Variants in YIF1B observed in about 807,000 individuals in gnomAD.
YIF1B encodes Yip1 interacting factor homolog B, membrane trafficking protein, also known as protein YIF1B.
In YIF1B, 24 loss-of-function variants were observed where a neutral mutation model predicts 34.6. The observed-to-expected ratio is 0.69, with a 90% CI of 0.50 to 0.98. The LOEUF is 0.98. YIF1B is among the 50% of genes least tolerant of loss of function. The pLI is 0.00. For synonymous variants in YIF1B, 186 were observed against 184.8 expected (o/e 1.01, Z -0.05); for missense variants, 368 against 429.4 (o/e 0.86, Z 1.26).
chr19:38,320,625 C>G (rs1408358184), upstream of YIF1B, among the ~76,000 whole-genome samples: 1 of 151,772 alleles, frequency 6.6e-6, no homozygotes, highest in Non-Finnish European at 1.5e-5. Flanking sequence ...GTGGCACGAT[C>G]TCGGATCACG....
At chr19:38,311,466 C>A (rs546613011) in intron 1 of YIF1B, among the ~76,000 whole-genome samples, 1 of 152,316 alleles carries the variant, frequency 6.6e-6, no homozygotes, top group South Asian at 2.1e-4. Context: ...TGGATGAACT[C>A]ATCTCATCTT....
chr19:38,316,440 G>A (rs1043061454), upstream of YIF1B, among the ~76,000 whole-genome samples: 4 of 152,092 alleles, frequency 2.6e-5, no homozygotes, highest in African/African-American at 9.7e-5. Flanking sequence ...CTTGAGCCCA[G>A]GAGTTCGAGA....
At chr19:38,307,127 A>G in intron 7 of YIF1B, 1 of 502,836 alleles carries the variant, frequency 2.0e-6, no homozygotes, top group Non-Finnish European at 3.8e-6. Flanking sequence ...TTCCAGGGAA[A>G]TTCTGGCAGG....
rs1968875102 is a variant in YIF1B, at chr19:38,304,070, A to C, written c.*1282T>G. 2.9e-6 allele frequency: 2 copies of C among 699,102 alleles called. No individual in the cohort carries two copies. The highest frequency in any genetic ancestry group is 4.7e-6 in the Non-Finnish European group (2 of 426,520). 43.3% of individuals were successfully genotyped at this position (699,102 alleles called of 1,614,324 possible). Reference sequence around the variant, plus strand: ...GGCTGGCGGAAGCAGTCACCTGTCCATCTCCCCCACTTCTCACAGAGGAAA... The same window carrying C: ...GGCTGGCGGAAGCAGTCACCTGTCCCTCTCCCCCACTTCTCACAGAGGAAA... On this transcript the variant is annotated 3_prime_UTR_variant, in exon 8 of 8. Transcript: ENST00000339413.
In YIF1B at chr19:38,309,661, G is replaced by A. The variant is rs757734385; in HGVS notation, c.59-18C>T. On this transcript the variant is annotated intron_variant, in intron 1 of 7. Transcript: ENST00000339413. ...CTTCGAGGCTGCAAGGGAAGAGAGT[G>A]AGAAGGAGCTGGGGACCCAGGATAG... 6.9e-6 allele frequency: 11 copies of A among 1,589,738 alleles called. No individual in the cohort carries two copies. Among genetic ancestry groups the A allele is most frequent in the African/African-American group, 1.3e-5 (1 of 74,830 alleles).
At chr19:38,312,979 C>G (rs969835444) in intron 1 of YIF1B, among the ~76,000 whole-genome samples, 1 of 152,010 alleles carries the variant, frequency 6.6e-6, no homozygotes, top group Non-Finnish European at 1.5e-5. Context: ...TAGACAGATT[C>G]TCGCTCTTGT....
intron 1 of YIF1B, among the ~76,000 whole-genome samples, chr19:38,314,678 A>G (rs1969472166): frequency 7.1e-6 from 1 of 140,344 alleles, no homozygotes. Context: ...GGCTGGTGCA[A>G]TCTCGCCTCA....
At position 38,304,928 on chromosome 19, in the gene YIF1B, G is replaced by A. The variant is rs1968931427; in HGVS notation, c.*424C>T. 2 of 1,612,428 alleles carry A rather than the reference G, an allele frequency of 1.2e-6. No individual in the cohort carries two copies. Among genetic ancestry groups the A allele is most frequent in the Non-Finnish European group, 1.7e-6 (2 of 1,179,542 alleles). ...AAGTGAAGAAGAAGGAGAAGGGCAA[G>A]AAGGAGAAGGGCAAGAAGAAGGAGG... On this transcript the variant is annotated 3_prime_UTR_variant, in exon 8 of 8. Coordinates refer to ENST00000339413, the MANE Select transcript of YIF1B (RefSeq NM_001039672.3).
Position 38,304,749 on chromosome 19 carries a change from C to G in YIF1B, c.*603G>C. The G allele has an allele frequency of 6.2e-7, 1 of 1,611,620 alleles. No individual in the cohort carries two copies. The highest frequency in any genetic ancestry group is 8.5e-7 in the Non-Finnish European group (1 of 1,178,248). ...TGCACCCCAGAGAGGCGTCCCCGCA[C>G]TGGGGCTGGCGGGGAGGGTGCGGGG... On this transcript the variant is annotated 3_prime_UTR_variant, in exon 8 of 8. Transcript: ENST00000339413.
rs1292530909 is a variant in YIF1B, at chr19:38,315,302, C to T, written c.58+558G>A. ...TCTTCCAGGAAGCTTCACTGACACC[C>T]CTAGGCTGGGTCATGTGCCTCCTCA... On this transcript the variant is annotated intron_variant, in intron 1 of 7. Coordinates refer to ENST00000339413, the MANE Select transcript of YIF1B (RefSeq NM_001039672.3). The T allele has an allele frequency of 5.4e-6, 5 of 925,718 alleles. No homozygotes were observed. The African/African-American group carries it at 8.9e-5, about 16-fold the overall frequency. 57.3% of individuals were successfully genotyped at this position (925,718 alleles called of 1,614,324 possible). A position where few individuals can be genotyped will look rare whatever the true frequency, so the allele number is the denominator to read the frequency against.
In YIF1B at chr19:38,304,466, G is replaced by C. The variant is rs375165148; in HGVS notation, c.*886C>G. The C allele has an allele frequency of 3.1e-5, 48 of 1,555,580 alleles. No homozygotes were observed. The highest frequency in any genetic ancestry group is 3.4e-5 in the Non-Finnish European group (39 of 1,150,106). On this transcript the variant is annotated 3_prime_UTR_variant, in exon 8 of 8. Transcript: ENST00000339413. ...CCCACAAAGTTCAGGGCCGGTCGGA[G>C]GCAGGGGCAGGTCCGGGTCCAAAGG...
intron 1 of YIF1B, among the ~76,000 whole-genome samples, chr19:38,312,703 GC>G (rs1969372127): frequency 6.6e-6 from 1 of 151,808 alleles, no homozygotes; most frequent in East Asian, 1.9e-4. Context: ...GACTTTCTCT[GC>G]ACCTGGATGT....
At chr19:38,308,032 G>C (rs1319477852) in intron 5 of YIF1B, among the ~76,000 whole-genome samples, 4 of 152,220 alleles carry the variant, frequency 2.6e-5, no homozygotes, top group African/African-American at 9.6e-5. Flanking sequence ...GGGACACCGA[G>C]CTGAAGCCTG....
In YIF1B at chr19:38,305,360, C is replaced by A. The variant is rs747052587; in HGVS notation, c.937G>T (p.Val313Leu). 2.5e-6 allele frequency: 4 copies of A among 1,602,470 alleles called. No homozygotes were observed. The highest frequency in any genetic ancestry group is 2.6e-6 in the Non-Finnish European group (3 of 1,172,192). ...AGGTTCAGCGGGCGCGCTCACCGCA[C>A]CAGGTGGAAGGTGAGCCAGTACATG... ...MLMYWLTFHL[V>L]R Residue 313 changes from valine (V) to leucine (L), a missense_variant, in exon 8 of 8, where the codon GTG becomes TTG. Val to Leu is a conservative substitution (Grantham distance 32). Coordinates refer to ENST00000339413, the MANE Select transcript of YIF1B (RefSeq NM_001039672.3).
At position 38,307,655 on chromosome 19, in the gene YIF1B, C is replaced by A; in HGVS notation, c.637G>T (p.Val213Phe). Residue 213 changes from valine to phenylalanine, a missense_variant, in exon 6 of 8, where the codon GTC (valine) becomes TTC (phenylalanine). Physicochemically the swap from Val to Phe is conservative, Grantham distance 50. This residue lies in a region of YIF1B where 208 missense variants were observed against 247.8 expected (regional missense o/e 0.84). Coordinates refer to ENST00000339413, the MANE Select transcript of YIF1B (RefSeq NM_001039672.3). ...AILLSLYLVT[V>F]NTDLTTIDLV... ...TCGATGGTGGTGAGGTCGGTGTTGACAGTGACCAGATAGAGGCTGAGCAGG... is the reference window on the plus strand; with the variant it reads ...TCGATGGTGGTGAGGTCGGTGTTGAAAGTGACCAGATAGAGGCTGAGCAGG... 6.2e-7 allele frequency: 1 copy of A among 1,613,874 alleles called. No individual in the cohort carries two copies. The highest frequency in any genetic ancestry group is 8.5e-7 in the Non-Finnish European group (1 of 1,180,008).
rs541168994 is a variant in YIF1B at position 38,303,864 on chromosome 19, C to T, written c.*1488G>A. The stretch of plus-strand genomic sequence containing the variant: ...GAGCGAGTTAGAACACGGGACGCCC[C>T]TGGCAGCAGCGCCCTGCGTGTTAAA... On this transcript the variant is annotated 3_prime_UTR_variant, in exon 8 of 8. Transcript: ENST00000339413. Among the ~76,000 whole-genome samples the T allele has an allele frequency of 1.4e-4, 22 of 152,356 alleles. No individual in the cohort carries two copies. The South Asian group carries it at 4.1e-3, about 29-fold the overall frequency.
Position 38,305,154 on chromosome 19 carries a change from A to G in YIF1B, c.*198T>C. Reference sequence around the variant, plus strand: ...GTTTATTGTTTCTGTAACAGCGGCCACGCCCTGGGGCGGTGGCCTGTGCAG... The same window carrying G: ...GTTTATTGTTTCTGTAACAGCGGCCGCGCCCTGGGGCGGTGGCCTGTGCAG... On this transcript the variant is annotated 3_prime_UTR_variant, in exon 8 of 8. Coordinates refer to ENST00000339413, the MANE Select transcript of YIF1B (RefSeq NM_001039672.3). 7.2e-7 allele frequency: 1 copy of G among 1,393,786 alleles called. No individual in the cohort carries two copies. Among genetic ancestry groups the G allele is most frequent in the Non-Finnish European group, 9.5e-7 (1 of 1,049,848 alleles). The allele number at this position is 1,393,786 out of a possible 1,614,324, so 86.3% of individuals were successfully genotyped here.
upstream of YIF1B, among the ~76,000 whole-genome samples, chr19:38,320,690 C>A (rs1303896819): frequency 6.6e-6 from 1 of 152,104 alleles, no homozygotes; most frequent in Non-Finnish European, 1.5e-5. Flanking sequence ...TGCCGAGTAG[C>A]TGGGATTACA....
chr19:38,319,462 G>T (rs1392506526), upstream of YIF1B, among the ~76,000 whole-genome samples: 1 of 152,156 alleles, frequency 6.6e-6, no homozygotes, highest in African/African-American at 2.4e-5. Context: ...CCACTCCGAG[G>T]CTCACAACTT....
Sources: allele counts gnomAD v4.1 joint callset (sites outside exome capture counted in the v4.1 genomes callset), GRCh38; gene constraint gnomAD v4.1.1; regional missense constraint gnomAD v4.1.1; transcripts MANE v1.5; gene names NCBI Gene and HGNC (gene_info 2026-07-23, HGNC 2026-07-21).